Variants in ADNP2 observed in about 807,000 individuals in gnomAD.
The protein encoded by ADNP2 is activity-dependent neuroprotector homeobox protein 2.
A neutral mutation model predicts 16.4 loss-of-function variants in ADNP2; 8 were observed. The ratio of observed to expected loss-of-function variants is 0.49; its 90% CI spans 0.29 to 0.88. ADNP2 has a LOEUF of 0.88. ADNP2 is among the 40% of genes least tolerant of loss of function. The pLI is 0.09. For missense variants in ADNP2, 1,397 were observed against 1,395.1 expected (o/e 1.00, Z -0.02); for synonymous variants, 637 against 545.8 (o/e 1.17, Z -2.33).
Position 80,124,537 on chromosome 18 carries a change from C to T in ADNP2, c.108+6887C>T, listed in dbSNP as rs576969562. On this transcript the variant is annotated intron_variant, in intron 2 of 3. Transcript: ENST00000262198. ...GGGACTAGAGCTTCCAGGCCCTCCG[C>T]GGGTACTCAACCCTCCAGGAACCTC... Among the ~76,000 whole-genome samples the T allele has an allele frequency of 2.4e-4, 37 of 152,298 alleles. No homozygotes were observed. The East Asian group carries it at 5.6e-3, about 23-fold the overall frequency.
intron 2 of ADNP2, among the ~76,000 whole-genome samples, chr18:80,123,411 G>A (rs2052437669): frequency 6.6e-6 from 1 of 151,508 alleles, no homozygotes. Context: ...CGTTCTTATT[G>A]CCCAGGCTGG....
At chr18:80,134,785 T>C (rs1351298801) in intron 3 of ADNP2, among the ~76,000 whole-genome samples, 1 of 152,198 alleles carries the variant, frequency 6.6e-6, no homozygotes, top group Non-Finnish European at 1.5e-5. Context: ...CTTACCCTTA[T>C]CTTAGGGTCA....
intron 2 of ADNP2, among the ~76,000 whole-genome samples, chr18:80,128,009 A>C (rs1431105576): frequency 6.6e-6 from 1 of 152,264 alleles, no homozygotes; most frequent in Non-Finnish European, 1.5e-5. Flanking sequence ...ATATGGCAGG[A>C]TGCCCCTTTT....
intron 2 of ADNP2, among the ~76,000 whole-genome samples, chr18:80,129,733 A>G (rs12955721): frequency 0.18 from 27,636 of 152,178 alleles, 2,773 homozygotes; most frequent in Middle Eastern, 0.25. Flanking sequence ...CTTCAATACA[A>G]TAGATGGCAG....
At chr18:80,123,857 G>T (rs2052441280) in intron 2 of ADNP2, among the ~76,000 whole-genome samples, 3 of 152,024 alleles carry the variant, frequency 2.0e-5, no homozygotes, top group Admixed American at 2.0e-4. Context: ...AGCCTCCCGA[G>T]TAGCTGGGAT....
In ADNP2 at chr18:80,133,093, TTTTTA is replaced by T. The variant is rs1483145656; in HGVS notation, c.109-9_109-5del. ...TTACATAATCTCTTTTTTTTCTCCC[TTTTTA>T]AAAGGACCTTAAAGGCTTTGATCCA... is the stretch of plus-strand genomic sequence containing the variant. On this transcript the variant is annotated splice_polypyrimidine_tract_variant and splice_region_variant and intron_variant, in intron 2 of 3. Coordinates refer to ENST00000262198, the MANE Select transcript of ADNP2 (RefSeq NM_014913.4). 3 of 1,567,992 alleles carry T rather than the reference TTTTTA, an allele frequency of 1.9e-6. No individual in the cohort carries two copies. Among genetic ancestry groups the T allele is most frequent in the Middle Eastern group, 1.7e-4 (1 of 5,854 alleles).
intron 1 of ADNP2, among the ~76,000 whole-genome samples, chr18:80,114,210 A>G (rs1250952984): frequency 1.3e-5 from 2 of 151,888 alleles, no homozygotes; most frequent in African/African-American, 2.4e-5. Flanking sequence ...AAAAAAGAAA[A>G]AAAAGATCTT....
At chr18:80,134,618 C>T (rs2052520270) in intron 3 of ADNP2, among the ~76,000 whole-genome samples, 1 of 152,110 alleles carries the variant, frequency 6.6e-6, no homozygotes, top group African/African-American at 2.4e-5. Flanking sequence ...AAAGATTTCA[C>T]TGTGCTCTCA....
rs757498368 is a variant in ADNP2, at chr18:80,137,515, A to G, written c.2102A>G (p.Glu701Gly). The G allele has an allele frequency of 6.2e-7, 1 of 1,614,236 alleles. No individual in the cohort carries two copies. The highest frequency in any genetic ancestry group is 1.7e-5 in the Admixed American group (1 of 60,026). ...KQWKTCPVCN[E>G]LFPSNVYQVH... is the part of the protein sequence containing the mutation. ...TGGAAGACCTGCCCTGTCTGCAACG[A>G]GCTCTTTCCGTCCAACGTCTACCAG... Residue 701 changes from glutamate to glycine, a missense_variant, in exon 4 of 4, where the codon GAG (glutamate) becomes GGG (glycine). Coordinates refer to ENST00000262198, the MANE Select transcript of ADNP2 (RefSeq NM_014913.4). This position sits in a 1 kb window ranked among gnomAD's most constrained non-coding sequence, Gnocchi z 4.2.
intron 2 of ADNP2, among the ~76,000 whole-genome samples, chr18:80,128,418 G>A (rs1047340306): frequency 1.3e-5 from 2 of 152,218 alleles, no homozygotes; most frequent in Admixed American, 6.5e-5. Flanking sequence ...TTGGGAGGCC[G>A]AGGTGGATGG....
chr18:80,114,502 A>G (rs1266347934), intron 1 of ADNP2, among the ~76,000 whole-genome samples: 1 of 152,166 alleles, frequency 6.6e-6, no homozygotes, highest in Non-Finnish European at 1.5e-5. Flanking sequence ...TTTTCCCTGA[A>G]TCACTTGAGA....
chr18:80,113,906 G>C (rs2052372986), intron 1 of ADNP2, among the ~76,000 whole-genome samples: 1 of 152,072 alleles, frequency 6.6e-6, no homozygotes, highest in South Asian at 2.1e-4. Context: ...AAAATCATGA[G>C]AGAGCTGGGC....
chr18:80,137,344 T>C lies in ADNP2; in HGVS notation c.1931T>C (p.Leu644Pro). The C allele has an allele frequency of 6.2e-7, 1 of 1,613,982 alleles. No homozygotes were observed. The highest frequency in any genetic ancestry group is 8.5e-7 in the Non-Finnish European group (1 of 1,179,928). ...CCGCCCCAGATGCCCATCCAGCTCC[T>C]GCCGTCAGGTGCAGCTGCACCAATG... ...VAPPQMPIQLLPSGAAAPMAG... is the reference protein window; with the variant it reads ...VAPPQMPIQLPPSGAAAPMAG... The change falls in exon 4 of 4, where the codon CTG becomes CCG. Residue 644 changes from leucine (L) to proline (P), a missense_variant. Around this residue, in one of 3 missense-constraint regions of ADNP2, gnomAD observed 611 missense variants for 648.7 expected, o/e 0.94. Coordinates refer to ENST00000262198, the MANE Select transcript of ADNP2 (RefSeq NM_014913.4). This position sits in a 1 kb window ranked among gnomAD's most constrained non-coding sequence, Gnocchi z 4.2.
intron 1 of ADNP2, among the ~76,000 whole-genome samples, chr18:80,115,836 C>T (rs992432484): frequency 2.0e-5 from 3 of 151,944 alleles, no homozygotes; most frequent in Non-Finnish European, 2.9e-5. Flanking sequence ...AGTGCAGTGG[C>T]GCGACCTCGG....
chr18:80,121,582 T>C (rs1200816455), intron 2 of ADNP2, among the ~76,000 whole-genome samples: 1 of 152,252 alleles, frequency 6.6e-6, no homozygotes, highest in Non-Finnish European at 1.5e-5. Context: ...TGGTGTTTTT[T>C]ATTTCATATC....
intron 2 of ADNP2, among the ~76,000 whole-genome samples, chr18:80,118,318 C>T (rs1196942981): frequency 6.6e-6 from 1 of 151,928 alleles, no homozygotes; most frequent in Non-Finnish European, 1.5e-5. Context: ...GTTGCAGCTA[C>T]TCAGGAGGCT....
Position 80,114,853 on chromosome 18 carries a change from C to T in ADNP2, c.-13-2677C>T, listed in dbSNP as rs1599803231. ...CTGGAATCCTCAAGAGGCATCTTCA[C>T]TCCCATGCTGGTAGTTGATGTGGAA... On this transcript the variant is annotated intron_variant, in intron 1 of 3. Transcript: ENST00000262198. Among the ~76,000 whole-genome samples the T allele has an allele frequency of 1.3e-5, 2 of 152,138 alleles. 1 individual carries two copies. Among genetic ancestry groups the T allele is most frequent in the Middle Eastern group, 6.8e-3 (2 of 294 alleles).
chr18:80,135,766 A>G lies in ADNP2; in HGVS notation c.353A>G (p.Lys118Arg). Reference sequence around the variant, plus strand: ...AACTGTGTATTTGCATCTCAGCCCAAAGTTGTGGGAAGGCACTTCAGAATG... The same window carrying G: ...AACTGTGTATTTGCATCTCAGCCCAGAGTTGTGGGAAGGCACTTCAGAATG... ...CPNCVFASQP[K>R]VVGRHFRMFH... The change falls in exon 4 of 4, where the codon AAA becomes AGA. Residue 118 changes from lysine (K) to arginine (R), a missense_variant. Physicochemically the swap from Lys to Arg is conservative, Grantham distance 26. This residue lies in a region of ADNP2 where 777 missense variants were observed against 719.4 expected (regional missense o/e 1.08). Coordinates refer to ENST00000262198, the MANE Select transcript of ADNP2 (RefSeq NM_014913.4). 1 of 1,614,192 alleles carries G rather than the reference A, an allele frequency of 6.2e-7. No individual in the cohort carries two copies. The highest frequency in any genetic ancestry group is 8.5e-7 in the Non-Finnish European group (1 of 1,180,038).
At chr18:80,122,060 C>T (rs1052961859) in intron 2 of ADNP2, among the ~76,000 whole-genome samples, 2 of 152,102 alleles carry the variant, frequency 1.3e-5, no homozygotes, top group African/African-American at 2.4e-5. Flanking sequence ...GCTGAGATTA[C>T]AGGTGCCTAC....
Sources: gnomAD v4.1 joint callset for allele counts (sites outside exome capture counted in the v4.1 genomes callset) on GRCh38, gnomAD v4.1.1 for gene constraint, gnomAD v4.1.1 regional missense constraint, Gnocchi (gnomAD v3.1) non-coding constraint, MANE v1.5 for transcripts, NCBI Gene and HGNC (gene_info 2026-07-23, HGNC 2026-07-21) for gene names.